The following ANKS1B variants were observed in gnomAD, a reference collection of about 807,000 sequenced individuals.
ANKS1B encodes the protein ankyrin repeat and sterile alpha motif domain containing 1B.
In ANKS1B, 36 loss-of-function variants were observed where a neutral mutation model predicts 148.3. That is an observed-to-expected ratio of 0.24 (90% CI 0.19 to 0.32). ANKS1B has a LOEUF of 0.32. Ranked by LOEUF, ANKS1B falls within the 10% of genes least tolerant of loss-of-function variation. The pLI is 1.00. For synonymous variants in ANKS1B, 542 were observed against 560.8 expected (o/e 0.97, Z 0.47); for missense variants, 1,157 against 1,542.6 (o/e 0.75, Z 4.19).
At chr12:99,368,128 A>G (rs567708339) in intron 12 of ANKS1B, among the ~76,000 whole-genome samples, 1 of 152,318 alleles carries the variant, frequency 6.6e-6, no homozygotes, top group Non-Finnish European at 1.5e-5. Flanking sequence ...GTAAGCACAA[A>G]AAGTGATTCA....
Position 98,744,375 on chromosome 12 carries a change from TA to T in ANKS1B, c.*1363del, listed in dbSNP as rs34975028. The T allele has an allele frequency of 2.0e-5, 18 of 896,774 alleles. No individual in the cohort carries two copies. The highest frequency in any genetic ancestry group is 3.6e-5 in the African/African-American group (2 of 55,422). 55.6% of individuals were successfully genotyped at this position (896,774 alleles called of 1,614,324 possible). A position where few individuals can be genotyped will look rare whatever the true frequency, so the allele number is the denominator to read the frequency against. On this transcript the variant is annotated 3_prime_UTR_variant, in exon 27 of 27. Transcript: ENST00000683438. ...TTAGGTTTAAAATAATGTCAGTTAATAAAAAAACATTAAGACAATTCCACAA... is the reference window on the plus strand; with the variant it reads ...TTAGGTTTAAAATAATGTCAGTTAATAAAAAACATTAAGACAATTCCACAA...
At chr12:98,816,344 G>A (rs572086249) in intron 19 of ANKS1B, among the ~76,000 whole-genome samples, 2 of 152,200 alleles carry the variant, frequency 1.3e-5, no homozygotes, top group East Asian at 3.9e-4. Flanking sequence ...CACCCAGGAG[G>A]GAGTGCAATG....
At position 98,832,045 on chromosome 12, in the gene ANKS1B, C is replaced by A; in HGVS notation, c.2870G>T (p.Arg957Leu). ...GGCACTTACCCTGAGGGTGATGGAC[C>A]GAGGGGGCTTCTGTGGGGGATCGTC... ...LHDDPPQKPPRSITLREPSGN... is the reference protein window; with the variant it reads ...LHDDPPQKPPLSITLREPSGN... Residue 957 changes from arginine to leucine, a missense_variant, in exon 18 of 27, where the codon CGG (arginine) becomes CTG (leucine). By Grantham distance (102) the Arg-to-Leu change is moderately radical. Around this residue, in one of 6 missense-constraint regions of ANKS1B, gnomAD observed 258 missense variants for 497.0 expected, o/e 0.52. Transcript: ENST00000683438. The A allele has an allele frequency of 6.3e-7, 1 of 1,593,386 alleles. No homozygotes were observed.
chr12:99,876,390 T>C (rs1041015841), intron 1 of ANKS1B, among the ~76,000 whole-genome samples: 1 of 151,724 alleles, frequency 6.6e-6, no homozygotes, highest in African/African-American at 2.4e-5. Flanking sequence ...ATAAAATGAG[T>C]AGGATTTTCC....
At chr12:99,905,004 A>G (rs2093728866) in intron 1 of ANKS1B, among the ~76,000 whole-genome samples, 1 of 152,192 alleles carries the variant, frequency 6.6e-6, no homozygotes, top group Non-Finnish European at 1.5e-5. Flanking sequence ...AGAAAAACTT[A>G]AAGTGGACTT....
chr12:99,487,416 C>G (rs1023869179), intron 10 of ANKS1B, among the ~76,000 whole-genome samples: 1 of 152,010 alleles, frequency 6.6e-6, no homozygotes, highest in South Asian at 2.1e-4. Flanking sequence ...ACATGCTTTT[C>G]TATGTTTGTA....
At chr12:98,965,093 T>C (rs1190737832) in intron 17 of ANKS1B, among the ~76,000 whole-genome samples, 1 of 151,750 alleles carries the variant, frequency 6.6e-6, no homozygotes, top group Non-Finnish European at 1.5e-5. Flanking sequence ...ACCTACTACA[T>C]ACCTACAAAA....
intron 14 of ANKS1B, among the ~76,000 whole-genome samples, chr12:99,190,309 T>C (rs1347445737): frequency 3.3e-5 from 5 of 152,154 alleles, no homozygotes; most frequent in South Asian, 2.1e-4. Context: ...CAAGGTATCA[T>C]TGACTTTCTT....
rs556173226 is a variant in ANKS1B, at chr12:99,853,776, A to G, written c.135-28387T>C. ...AGAAGGTCAATTATTAAGGTAATTA[A>G]GGAGGCACCAGAGAAAGGTGATGTC... is the stretch of plus-strand genomic sequence containing the variant. On this transcript the variant is annotated intron_variant, in intron 1 of 26. Coordinates refer to ENST00000683438, the MANE Select transcript of ANKS1B (RefSeq NM_001352186.2). 2.6e-5 allele frequency among the ~76,000 whole-genome samples: 4 copies of G among 152,354 alleles called. No individual in the cohort carries two copies. In the East Asian group the frequency reaches 7.7e-4, roughly 29 times the overall value.
intron 9 of ANKS1B, among the ~76,000 whole-genome samples, chr12:99,523,018 C>T (rs1422695320): frequency 1.3e-5 from 2 of 152,108 alleles, no homozygotes; most frequent in Non-Finnish European, 2.9e-5. Flanking sequence ...CCAAAAGTAC[C>T]AATAATGTAG....
intron 11 of ANKS1B, among the ~76,000 whole-genome samples, chr12:99,402,157 C>T (rs1040553937): frequency 6.9e-6 from 1 of 145,844 alleles, no homozygotes; most frequent in Non-Finnish European, 1.5e-5. Context: ...CCTGACTTGC[C>T]TTTGGGTTGG....
rs931788395 is a variant in ANKS1B, at chr12:99,400,877, C to A, written c.1576-1066G>T. Reference sequence around the variant, plus strand: ...CTGTACTCCATAGATTATTTTCCTGCAAAATATTCAAATTGCTGTCTCTTC... The same window carrying A: ...CTGTACTCCATAGATTATTTTCCTGAAAAATATTCAAATTGCTGTCTCTTC... On this transcript the variant is annotated intron_variant, in intron 11 of 26. Transcript: ENST00000683438. Among the ~76,000 whole-genome samples, 8 of 144,896 alleles carry A rather than the reference C, an allele frequency of 5.5e-5. 3 individuals carry two copies. Among genetic ancestry groups the A allele is most frequent in the African/African-American group, 2.1e-4 (8 of 38,150 alleles).
At chr12:99,713,245 C>T (rs2056870409) in intron 8 of ANKS1B, among the ~76,000 whole-genome samples, 1 of 152,124 alleles carries the variant, frequency 6.6e-6, no homozygotes, top group South Asian at 2.1e-4. Flanking sequence ...AAAATACTGA[C>T]CTTATCTAAA....
At position 99,734,451 on chromosome 12, in the gene ANKS1B, G is replaced by A. The variant is rs1052330177; in HGVS notation, c.1128+38471C>T. ...TGGGATTACAGGCATGCGCCACCACGCATGGCTAATTTTTGTATTTTTAGT... is the reference window on the plus strand; with the variant it reads ...TGGGATTACAGGCATGCGCCACCACACATGGCTAATTTTTGTATTTTTAGT... On this transcript the variant is annotated intron_variant, in intron 8 of 26. Coordinates refer to ENST00000683438, the MANE Select transcript of ANKS1B (RefSeq NM_001352186.2). Among the ~76,000 whole-genome samples the A allele has an allele frequency of 7.9e-5, 12 of 151,948 alleles. 1 individual carries two copies. The highest frequency in any genetic ancestry group is 2.9e-4 in the African/African-American group (12 of 41,364).
intron 8 of ANKS1B, among the ~76,000 whole-genome samples, chr12:99,689,092 C>T (rs1567647592): frequency 6.6e-6 from 1 of 152,142 alleles, no homozygotes; most frequent in Admixed American, 6.5e-5. Flanking sequence ...ACTTCCTCAT[C>T]TTCAATGTTC....
chr12:99,507,843 T>C lies in ANKS1B; in HGVS notation c.1273-3202A>G, dbSNP rs115418688. 3.5e-3 allele frequency among the ~76,000 whole-genome samples: 537 copies of C among 151,980 alleles called. 4 individuals carry two copies. Among genetic ancestry groups the C allele is most frequent in the African/African-American group, 0.013 (526 of 41,520 alleles). On this transcript the variant is annotated intron_variant, in intron 9 of 26. Coordinates refer to ENST00000683438, the MANE Select transcript of ANKS1B (RefSeq NM_001352186.2). ...TAATTTTTTTAAAAAAATGGATCCA[T>C]GTGTCCACTACTCAGTTTAAGAGGT...
intron 17 of ANKS1B, among the ~76,000 whole-genome samples, chr12:99,009,848 AAAAAAAC>A (rs1476967360): frequency 1.3e-5 from 2 of 151,998 alleles, no homozygotes; most frequent in Non-Finnish European, 2.9e-5. Context: ...ATGCAAAAAA[AAAAAAAC>A]AAACAAAAAA....
chr12:99,670,400 AC>A (rs557718291), intron 8 of ANKS1B, among the ~76,000 whole-genome samples: 27 of 152,094 alleles, frequency 1.8e-4, no homozygotes, highest in Non-Finnish European at 3.2e-4. Context: ...GAATACACAT[AC>A]CTTTTACAAC....
At chr12:99,151,792 T>C (rs2074996976) in intron 15 of ANKS1B, among the ~76,000 whole-genome samples, 1 of 152,130 alleles carries the variant, frequency 6.6e-6, no homozygotes, top group Non-Finnish European at 1.5e-5. Context: ...AAAAATTAAC[T>C]CCTGAAAATA....
Sources: allele counts gnomAD v4.1 joint callset (sites outside exome capture counted in the v4.1 genomes callset), GRCh38; gene constraint gnomAD v4.1.1; regional missense constraint gnomAD v4.1.1; transcripts MANE v1.5; gene names NCBI Gene and HGNC (gene_info 2026-07-23, HGNC 2026-07-21).